The following HLA-DQA1 variants were observed in gnomAD, a reference collection of about 807,000 sequenced individuals.
HLA-DQA1 encodes the protein major histocompatibility complex, class II, DQ alpha 1.
HLA-DQA1 carries 10 observed loss-of-function variants against 20.7 expected under a neutral mutation model. That is an observed-to-expected ratio of 0.48 (90% confidence interval 0.30 to 0.82). The LOEUF (loss-of-function observed/expected upper bound fraction) is 0.82, where lower values mean the gene tolerates loss of function less well. HLA-DQA1 is among the 40% of genes least tolerant of loss of function. The pLI, the probability that HLA-DQA1 is intolerant of heterozygous loss-of-function variation, is 0.07. For synonymous variants in HLA-DQA1, 39 were observed against 109.2 expected (o/e 0.36, Z 4.01); for missense variants, 127 against 293.0 (o/e 0.43, Z 4.14).
intron 1 of HLA-DQA1, among the ~76,000 whole-genome samples, chr6:32,640,812 T>TAAAA (rs34713112): frequency 0.12 from 10,932 of 93,518 alleles, 2,199 homozygotes; most frequent in Non-Finnish European, 0.16. Context: ...GCTTTTCCTT[T>TAAAA]AAAAAAAAAA....
At chr6:32,640,818 A>ATTT (rs879387480) in intron 1 of HLA-DQA1, among the ~76,000 whole-genome samples, 913 of 48,188 alleles carry the variant, frequency 0.019, 8 homozygotes, top group Admixed American at 0.036. Flanking sequence ...CCTTTAAAAA[A>ATTT]AAAAAAAAGA....
chr6:32,646,089 AAG>A (rs1781888469), downstream of HLA-DQA1: 1 of 101,182 alleles, frequency 9.9e-6, no homozygotes, highest in Non-Finnish European at 2.2e-5. Flanking sequence ...TCTAAAAAAT[AAG>A]AGTAAATAGT....
chr6:32,638,822 T>G, intron 1 of HLA-DQA1: 1 of 110,742 alleles, frequency 9.0e-6, no homozygotes, highest in African/African-American at 4.1e-5. Flanking sequence ...AAGCACAGAT[T>G]AATTATTTGG....
At chr6:32,646,047 C>A (rs9273226), downstream of HLA-DQA1, 8 of 33,264 alleles carry the variant, frequency 2.4e-4, 3 homozygotes, top group Non-Finnish European at 5.1e-4. Context: ...AAAATATTTA[C>A]GTAATGTTAA....
rs36223157 is a variant in HLA-DQA1 at position 32,638,914 on chromosome 6, T to C, written c.82+1374T>C. On this transcript the variant is annotated intron_variant, in intron 1 of 4. Transcript: ENST00000343139. ...CCTTTCTCCCTCTTCCCTTTCAGGA[T>C]CCATCTCTGACTCCCTGCTCCTTTA... The C allele has an allele frequency of 5.2e-5, 18 of 345,272 alleles. 3 individuals carry two copies. The highest frequency in any genetic ancestry group is 2.3e-4 in the South Asian group (11 of 47,582). 21.4% of individuals were successfully genotyped at this position (345,272 alleles called of 1,614,324 possible).
chr6:32,640,512 G>A (rs28383410), intron 1 of HLA-DQA1, among the ~76,000 whole-genome samples: 1,214 of 65,174 alleles, frequency 0.019, 44 homozygotes, highest in East Asian at 0.079. Context: ...TGTGATATAA[G>A]TGTTGAGTCA....
intron 1 of HLA-DQA1, among the ~76,000 whole-genome samples, chr6:32,637,941 G>T: frequency 9.6e-6 from 1 of 103,854 alleles, no homozygotes; most frequent in South Asian, 3.1e-4. Context: ...GGTAGATCTT[G>T]GGGTCATTCC....
chr6:32,637,584 T>C, intron 1 of HLA-DQA1, 44 bp downstream of exon 1: 5 of 826,658 alleles, frequency 6.0e-6, no homozygotes, highest in South Asian at 1.6e-5. Context: ...TGAAAAACAG[T>C]AAATTGAAGG....
downstream of HLA-DQA1, among the ~76,000 whole-genome samples, chr6:32,651,393 G>A (rs1414633034): frequency 2.9e-4 from 24 of 81,460 alleles, 9 homozygotes; most frequent in Non-Finnish European, 5.8e-4. Context: ...GACCATCCTG[G>A]CTAACACGGT....
downstream of HLA-DQA1, chr6:32,646,615 G>A (rs9273273): frequency 4.4e-5 from 2 of 45,362 alleles, 1 homozygote; most frequent in Non-Finnish European, 1.0e-4. Flanking sequence ...AATGAAATAT[G>A]TCAGGTTTGT....
chr6:32,638,699 GAGGA>G (rs34024030), intron 1 of HLA-DQA1, among the ~76,000 whole-genome samples: 2 of 76,844 alleles, frequency 2.6e-5, no homozygotes, highest in African/African-American at 8.9e-5. Context: ...GAAAGAAAGC[GAGGA>G]AGGAAGGAAG....
intron 1 of HLA-DQA1, chr6:32,639,671 T>C (rs1426110836): frequency 1.0e-5 from 1 of 97,888 alleles, no homozygotes; most frequent in African/African-American, 3.5e-5. Flanking sequence ...AGCAGGGCAG[T>C]GGACCCAGCA....
chr6:32,641,082 G>A (rs1315900947), intron 1 of HLA-DQA1, among the ~76,000 whole-genome samples: 6 of 114,006 alleles, frequency 5.3e-5, no homozygotes, highest in African/African-American at 1.6e-4. Context: ...TTGGACATGC[G>A]ATATTCTGCC....
At chr6:32,639,240 T>A (rs79772777) in intron 1 of HLA-DQA1, 8,901 of 110,864 alleles carry the variant, frequency 0.08, 1,943 homozygotes, top group Admixed American at 0.12. Flanking sequence ...AGGTTTTAAC[T>A]CCTTTTAAAA....
chr6:32,639,173 C>A (rs1781168291), intron 1 of HLA-DQA1: 1 of 193,334 alleles, frequency 5.2e-6, no homozygotes. Context: ...TTGGCTCATT[C>A]ATTAGGCACA....
intron 1 of HLA-DQA1, among the ~76,000 whole-genome samples, chr6:32,640,270 T>A (rs1781269805): frequency 1.0e-5 from 1 of 98,610 alleles, no homozygotes; most frequent in African/African-American, 3.5e-5. Flanking sequence ...CACTATTCAG[T>A]TTGTTCCTTA....
chr6:32,642,565 A>G (rs1781523892), intron 3 of HLA-DQA1, 45 bp from the exon 4 acceptor site: 3 of 1,382,484 alleles, frequency 2.2e-6, no homozygotes, highest in South Asian at 2.3e-5. Context: ...ACACATGCAC[A>G]TGAGCACACT....
chr6:32,652,614 G>T, the HLA-DQA1 span, among the ~76,000 whole-genome samples: 80,130 of 143,712 alleles, frequency 0.56, 23,324 homozygotes, highest in Middle Eastern at 0.69. Flanking sequence ...AAAGCCCAAG[G>T]ATGCTTAGTG....
the HLA-DQA1 span, among the ~76,000 whole-genome samples, chr6:32,655,167 G>A: frequency 0.46 from 49,591 of 108,542 alleles, 10,412 homozygotes; most frequent in Middle Eastern, 0.55. Flanking sequence ...CCCTGTAAAT[G>A]CAGTTATTTG....
Sources: allele counts gnomAD v4.1 joint callset (sites outside exome capture counted in the v4.1 genomes callset), GRCh38; gene constraint gnomAD v4.1.1; transcripts MANE v1.5; gene names NCBI Gene and HGNC (gene_info 2026-07-23, HGNC 2026-07-21).